The following ITGAD variants were observed in gnomAD, a reference collection of about 807,000 sequenced individuals.
ITGAD encodes the protein integrin subunit alpha D.
In ITGAD, 105 loss-of-function variants were observed where a neutral mutation model predicts 139.0. The observed-to-expected ratio is 0.76, with a 90% CI of 0.65 to 0.89. The LOEUF is 0.89. Among genes scored for constraint, ITGAD ranks in the 40% least tolerant of loss-of-function variants. The probability of loss-of-function intolerance (pLI) is 0.00; values close to 1 mark genes in which losing one functional copy is unlikely to be tolerated. For missense variants in ITGAD, 1,384 were observed against 1,487.3 expected, an observed-to-expected ratio of 0.93 and a Z score of 1.14; for synonymous variants, 569 against 598.3, an observed-to-expected ratio of 0.95 and a Z score of 0.71.
At chr16:31,394,479 C>T in intron 2 of ITGAD, 138 bp downstream of exon 2, 1 of 590,578 alleles carries the variant, frequency 1.7e-6, no homozygotes, top group South Asian at 2.0e-5. Flanking sequence ...CTTGGAGGCC[C>T]TGACATCAGC....
intron 5 of ITGAD, 143 bp from the exon 6 acceptor site, chr16:31,401,972 T>G: frequency 1.1e-6 from 1 of 873,160 alleles, no homozygotes; most frequent in Non-Finnish European, 1.8e-6. Context: ...GGGGCTGGGG[T>G]GGCAGACTGG....
intron 18 of ITGAD, 21 bp from the exon 19 acceptor site, chr16:31,416,192 G>T (rs535330794): frequency 1.3e-6 from 2 of 1,586,518 alleles, no homozygotes; most frequent in South Asian, 2.3e-5. Flanking sequence ...GATGGGAACA[G>T]AATATACTAT....
rs147897710 is a variant in ITGAD at position 31,397,633 on chromosome 16, C to A, written c.279C>A (p.Thr93=). 65 of 1,604,466 alleles carry A rather than the reference C, an allele frequency of 4.1e-5. No individual in the cohort carries two copies. The Admixed American group carries it at 1.1e-3, about 26-fold the overall frequency. ...PEAVNMSLGL[T]LAASTNGSRL... ...CCGTGAACATGTCCTTGGGCCTGAC[C>A]CTGGCAGCCTCCACCAACGGCTCCC... Residue 93 remains threonine (T), a synonymous_variant, in exon 4 of 30, where the codon ACC becomes ACA. Coordinates refer to ENST00000389202, the MANE Select transcript of ITGAD (RefSeq NM_005353.3).
At position 31,426,143 on chromosome 16, in the gene ITGAD, G is replaced by A; in HGVS notation, c.*15G>A. ...CTTTGTCCTAATAATCCACTTTCCT[G>A]TTTATCTCTACCACTGTGGGCTGGA... On this transcript the variant is annotated 3_prime_UTR_variant, in exon 30 of 30. Transcript: ENST00000389202. 1 of 1,523,720 alleles carries A rather than the reference G, an allele frequency of 6.6e-7. No homozygotes were observed. The highest frequency in any genetic ancestry group is 9.1e-7 in the Non-Finnish European group (1 of 1,099,246). The allele number at this position is 1,523,720 out of a possible 1,614,324, so 94.4% of individuals were successfully genotyped here. A position where few individuals can be genotyped will look rare whatever the true frequency, so the allele number is the denominator to read the frequency against.
intron 7 of ITGAD, among the ~76,000 whole-genome samples, chr16:31,405,001 C>G (rs1387982794): frequency 1.3e-5 from 2 of 152,120 alleles, no homozygotes; most frequent in African/African-American, 4.8e-5. Flanking sequence ...TTCTGGGTTC[C>G]TGGATTCTCC....
Position 31,397,911 on chromosome 16 carries a change from T to G in ITGAD, c.427+2T>G, listed in dbSNP as rs763309337. 5.0e-6 allele frequency: 8 copies of G among 1,606,086 alleles called. No individual in the cohort carries two copies. In the South Asian group the frequency reaches 8.9e-5, roughly 18 times the overall value. On this transcript the variant is annotated splice_donor_variant, in intron 5 of 29. Transcript: ENST00000389202. LOFTEE classifies it high-confidence loss of function. ...AGACAGTCCCCGACGCCACGCCAGGTAGGTCCCTGGCAGGCCATGGTTCCC... is the reference window on the plus strand; with the variant it reads ...AGACAGTCCCCGACGCCACGCCAGGGAGGTCCCTGGCAGGCCATGGTTCCC...
Position 31,424,595 on chromosome 16 carries a change from C to CAA in ITGAD, c.3372+18_3372+19insAA. On this transcript the variant is annotated intron_variant, in intron 29 of 29. Transcript: ENST00000389202. ...TGTACAAGGCAAGTGTTTTATCCAA[C>CAA]TCTTTTTTTTTTTTTTTTGAGATGG... 6.9e-7 allele frequency: 1 copy of CAA among 1,450,788 alleles called. No homozygotes were observed. Among genetic ancestry groups the CAA allele is most frequent in the Non-Finnish European group, 9.4e-7 (1 of 1,062,010 alleles). The allele number at this position is 1,450,788 out of a possible 1,614,324, so 89.9% of individuals were successfully genotyped here.
At chr16:31,405,952 A>T (rs1356911834) in intron 7 of ITGAD, among the ~76,000 whole-genome samples, 2 of 152,108 alleles carry the variant, frequency 1.3e-5, no homozygotes, top group Admixed American at 6.6e-5. Context: ...CTAGGTCATG[A>T]CTGGCTAAAC....
intron 12 of ITGAD, 86 bp downstream of exon 12, chr16:31,410,964 G>T: frequency 6.3e-7 from 1 of 1,595,418 alleles, no homozygotes. Flanking sequence ...AGAGGATGGA[G>T]GGGCTTTGGG....
Position 31,403,651 on chromosome 16 carries a change from C to A in ITGAD, c.704+6C>A, listed in dbSNP as rs1369804669. 1 of 1,613,966 alleles carries A rather than the reference C, an allele frequency of 6.2e-7. No homozygotes were observed. The highest frequency in any genetic ancestry group is 8.5e-7 in the Non-Finnish European group (1 of 1,179,970). On this transcript the variant is annotated splice_donor_region_variant and intron_variant, in intron 7 of 29. Transcript: ENST00000389202. The surrounding 1 kb of genome is among the most constrained non-coding windows in gnomAD (Gnocchi z 4.4). Reference sequence around the variant, plus strand: ...ACGGGCATCCTGACAGTGGTGTAAGCAACCCCGACCCCAGCCTGGCGATGT... The same window carrying A: ...ACGGGCATCCTGACAGTGGTGTAAGAAACCCCGACCCCAGCCTGGCGATGT...
intron 2 of ITGAD, 67 bp from the exon 3 acceptor site, chr16:31,397,292 C>A: frequency 9.4e-7 from 1 of 1,060,948 alleles, no homozygotes; most frequent in Non-Finnish European, 1.4e-6. Flanking sequence ...CACTTCCTCA[C>A]CCCCAAGTGC....
In ITGAD at chr16:31,418,521, C is replaced by T. The variant is rs1567350615; in HGVS notation, c.2737C>T (p.Leu913=). 1 of 1,614,122 alleles carries T rather than the reference C, an allele frequency of 6.2e-7. No individual in the cohort carries two copies. The highest frequency in any genetic ancestry group is 1.3e-5 in the African/African-American group (1 of 75,032). The stretch of plus-strand genomic sequence containing the variant: ...TTCAAGCAGCAAGGCCACCTTCCAG[C>T]TGGAGCTCCCGGTGAAGTATGCAGT... ...KASSSKATFQ[L]ELPVKYAVYT... Residue 913 remains leucine, a synonymous_variant, in exon 23 of 30, where the codon CTG becomes TTG. Coordinates refer to ENST00000389202, the MANE Select transcript of ITGAD (RefSeq NM_005353.3).
Position 31,414,937 on chromosome 16 carries a change from C to T in ITGAD, c.2229C>T (p.Pro743=). ...TGGTGAGAGAGCCCATCCCCTCCCC[C>T]CAGAACCTGCGTCCTGTGCTGGCCG... ...FSLVREPIPS[P]QNLRPVLAVG... The change falls in exon 18 of 30, where the codon CCC becomes CCT. Residue 743 remains proline (P), a synonymous_variant. Transcript: ENST00000389202. The T allele has an allele frequency of 1.9e-6, 3 of 1,614,134 alleles. No individual in the cohort carries two copies. The highest frequency in any genetic ancestry group is 1.7e-4 in the Middle Eastern group (1 of 6,058).
intron 26 of ITGAD, 88 bp from the exon 27 acceptor site, chr16:31,423,757 G>C (rs1306369146): frequency 2.0e-6 from 3 of 1,537,332 alleles, no homozygotes; most frequent in Non-Finnish European, 2.7e-6. Flanking sequence ...CTGCTCATCT[G>C]TTCCCCACCC....
intron 7 of ITGAD, among the ~76,000 whole-genome samples, chr16:31,405,599 G>GT (rs1168308317): frequency 1.4e-5 from 2 of 146,392 alleles, no homozygotes; most frequent in African/African-American, 2.5e-5. Flanking sequence ...TCCTGTCTGG[G>GT]TTTTTTTCCC....
Position 31,423,869 on chromosome 16 carries a change from C to T in ITGAD, c.3070C>T (p.Gln1024Ter). 6.2e-7 allele frequency: 1 copy of T among 1,614,256 alleles called. No individual in the cohort carries two copies. The highest frequency in any genetic ancestry group is 8.5e-7 in the Non-Finnish European group (1 of 1,180,042). Residue 1024 changes from glutamine to a stop codon, truncating the protein, a stop_gained, in exon 27 of 30, where the codon CAG (glutamine) becomes TAG (stop). Coordinates refer to ENST00000389202, the MANE Select transcript of ITGAD (RefSeq NM_005353.3). LOFTEE classifies it high-confidence loss of function. Reference protein sequence around the residue: ...MLDCSIADCLQFRCDVPSFSV... With the variant: ...MLDCSIADCL Reference sequence around the variant, plus strand: ...GGACTGCTCCATTGCTGACTGCCTGCAGTTCCGCTGTGACGTCCCCTCCTT... The same window carrying T: ...GGACTGCTCCATTGCTGACTGCCTGTAGTTCCGCTGTGACGTCCCCTCCTT...
chr16:31,394,765 G>T, intron 2 of ITGAD, among the ~76,000 whole-genome samples: 1 of 152,174 alleles, frequency 6.6e-6, no homozygotes, highest in East Asian at 1.9e-4. Context: ...TCAAACTCTC[G>T]GGCACAAGTG....
At chr16:31,417,267 G>C (rs1640484173) in intron 20 of ITGAD, among the ~76,000 whole-genome samples, 2 of 140,176 alleles carry the variant, frequency 1.4e-5, no homozygotes, top group African/African-American at 5.3e-5. Flanking sequence ...TTAGAGACAG[G>C]GTCTCACCAT....
intron 28 of ITGAD, 26 bp from the exon 29 acceptor site, chr16:31,424,441 C>A: frequency 6.3e-7 from 1 of 1,580,114 alleles, no homozygotes; most frequent in African/African-American, 1.3e-5. Flanking sequence ...GGCATGAGGC[C>A]GGATGCTCTC....
Sources: gnomAD v4.1 joint callset for allele counts (sites outside exome capture counted in the v4.1 genomes callset) on GRCh38, gnomAD v4.1.1 for gene constraint, Gnocchi (gnomAD v3.1) non-coding constraint, MANE v1.5 for transcripts, NCBI Gene and HGNC (gene_info 2026-07-23, HGNC 2026-07-21) for gene names.